Variants in GPHN observed in about 807,000 individuals in gnomAD.
The protein encoded by GPHN is gephyrin.
GPHN carries 17 observed loss-of-function variants against 95.5 expected under a neutral mutation model. That is an observed-to-expected ratio of 0.18 (90% CI 0.12 to 0.27). The LOEUF (loss-of-function observed/expected upper bound fraction) is 0.27, where lower values mean the gene tolerates loss of function less well. Ranked by LOEUF, GPHN falls within the 10% of genes least tolerant of loss-of-function variation. The pLI is 1.00. For synonymous variants in GPHN, 320 were observed against 322.5 expected, an observed-to-expected ratio of 0.99 and a Z score of 0.08; for missense variants, 660 against 978.1, an observed-to-expected ratio of 0.67 and a Z score of 4.34.
the GPHN span, among the ~76,000 whole-genome samples, chr14:67,412,800 T>G: frequency 3.3e-5 from 5 of 152,178 alleles, no homozygotes; most frequent in South Asian, 2.1e-4. Flanking sequence ...GGTCTTTCTC[T>G]GTCACCCAGG....
intron 2 of GPHN, among the ~76,000 whole-genome samples, chr14:66,755,249 T>A (rs1479821158): frequency 6.6e-6 from 1 of 152,136 alleles, no homozygotes; most frequent in Non-Finnish European, 1.5e-5. Context: ...AGGAATTAAA[T>A]GTATTTATTA....
intron 2 of GPHN, among the ~76,000 whole-genome samples, chr14:66,744,413 AAG>A (rs2058060594): frequency 2.0e-5 from 3 of 152,228 alleles, no homozygotes; most frequent in Non-Finnish European, 4.4e-5. Context: ...ACAAGGAATT[AAG>A]TTGTATTGGC....
chr14:67,221,437 C>T, the GPHN span, among the ~76,000 whole-genome samples: 3 of 152,198 alleles, frequency 2.0e-5, no homozygotes, highest in Non-Finnish European at 2.9e-5. Context: ...CAGTTAACTT[C>T]TCTCAGCCTG....
At chr14:67,175,440 T>C (rs1374389243) in intron 21 of GPHN, among the ~76,000 whole-genome samples, 2 of 152,190 alleles carry the variant, frequency 1.3e-5, no homozygotes, top group African/African-American at 2.4e-5. Context: ...GGTCTATATA[T>C]CTGTTTTGGT....
intron 8 of GPHN, among the ~76,000 whole-genome samples, chr14:66,959,610 A>G (rs1162234512): frequency 6.6e-6 from 1 of 152,068 alleles, no homozygotes; most frequent in African/African-American, 2.4e-5. Context: ...TCTGACTGTC[A>G]TGGTTTCTTT....
intron 16 of GPHN, among the ~76,000 whole-genome samples, chr14:67,119,439 G>A (rs1319313479): frequency 2.0e-5 from 3 of 152,180 alleles, no homozygotes; most frequent in African/African-American, 7.2e-5. Context: ...AGATGGATTA[G>A]AATATTCTTA....
intron 4 of GPHN, among the ~76,000 whole-genome samples, chr14:66,845,281 C>G (rs1247942458): frequency 1.3e-5 from 2 of 151,938 alleles, no homozygotes; most frequent in Non-Finnish European, 2.9e-5. Flanking sequence ...AAATTAATAG[C>G]AAAGAGATCA....
intron 17 of GPHN, among the ~76,000 whole-genome samples, chr14:67,138,389 A>T (rs1233126003): frequency 6.6e-6 from 1 of 152,320 alleles, no homozygotes; most frequent in East Asian, 1.9e-4. Flanking sequence ...ATCATTGAGA[A>T]AATTAATATA....
At chr14:66,763,837 C>T (rs72728632) in intron 2 of GPHN, among the ~76,000 whole-genome samples, 8,921 of 152,076 alleles carry the variant, frequency 0.059, 359 homozygotes, top group Middle Eastern at 0.099. Context: ...CTCCCATTAC[C>T]GCCTGAGCTC....
In GPHN at chr14:66,887,679, C is replaced by G. The variant is rs190336250; in HGVS notation, c.389+7646C>G. 2.0e-4 allele frequency among the ~76,000 whole-genome samples: 31 copies of G among 152,198 alleles called. No individual in the cohort carries two copies. In the East Asian group the frequency reaches 4.3e-3, roughly 21 times the overall value. ...GGCCTGTCTACAGCAGTTCCTTTTACCTGGTATATCATGTTTGGCTATGAA... is the reference window on the plus strand; with the variant it reads ...GGCCTGTCTACAGCAGTTCCTTTTAGCTGGTATATCATGTTTGGCTATGAA... On this transcript the variant is annotated intron_variant, in intron 5 of 22. Coordinates refer to ENST00000478722, the MANE Select transcript of GPHN (RefSeq NM_020806.5).
chr14:67,707,320 G>T, the GPHN span, among the ~76,000 whole-genome samples: 2 of 152,180 alleles, frequency 1.3e-5, no homozygotes, highest in Admixed American at 6.5e-5. Flanking sequence ...TACACTTTTT[G>T]AAACAATCTT....
intron 3 of GPHN, among the ~76,000 whole-genome samples, chr14:66,794,449 C>T (rs930992101): frequency 2.0e-5 from 3 of 152,108 alleles, no homozygotes; most frequent in Non-Finnish European, 1.5e-5. Flanking sequence ...CCTGTTTTCT[C>T]TATAAATGAC....
At chr14:66,881,244 A>G (rs1009702120) in intron 5 of GPHN, among the ~76,000 whole-genome samples, 5 of 151,910 alleles carry the variant, frequency 3.3e-5, no homozygotes, top group African/African-American at 1.2e-4. Context: ...TTAAAGTACC[A>G]CGATAGAGAC....
At chr14:66,839,234 G>A (rs1232017013) in intron 4 of GPHN, among the ~76,000 whole-genome samples, 1 of 152,186 alleles carries the variant, frequency 6.6e-6, no homozygotes, top group African/African-American at 2.4e-5. Flanking sequence ...CGAGACCGAA[G>A]GCCAAAGGCA....
the GPHN span, chr14:67,576,584 T>C: frequency 2.8e-6 from 2 of 716,288 alleles, no homozygotes; most frequent in East Asian, 2.6e-5. The surrounding 1 kb of genome is among the most constrained non-coding windows in gnomAD (Gnocchi z 4.0). Flanking sequence ...AAGAAAGCAG[T>C]GTTGTACCCT....
chr14:66,855,219 C>A (rs1252594115), intron 4 of GPHN, among the ~76,000 whole-genome samples: 1 of 152,158 alleles, frequency 6.6e-6, no homozygotes, highest in East Asian at 1.9e-4. Context: ...ATTATCACTA[C>A]TACCTGTTTT....
chr14:66,860,046 G>A (rs768342374), intron 4 of GPHN, among the ~76,000 whole-genome samples: 5 of 152,068 alleles, frequency 3.3e-5, no homozygotes, highest in Non-Finnish European at 5.9e-5. Flanking sequence ...AGAGATAGGA[G>A]TAGAAACTTT....
At chr14:67,450,537 T>G in the GPHN span, among the ~76,000 whole-genome samples, 2 of 152,186 alleles carry the variant, frequency 1.3e-5, no homozygotes, top group Non-Finnish European at 2.9e-5. Flanking sequence ...TTGTTGGGAA[T>G]TGGAACAAAT....
chr14:67,152,370 TATG>T (rs916955091), intron 18 of GPHN, among the ~76,000 whole-genome samples: 5 of 152,234 alleles, frequency 3.3e-5, no homozygotes, highest in African/African-American at 9.6e-5. Flanking sequence ...GCAAATGTTA[TATG>T]ATATTTAAAA....
Sources: allele counts gnomAD v4.1 joint callset (sites outside exome capture counted in the v4.1 genomes callset), GRCh38; gene constraint gnomAD v4.1.1; non-coding constraint Gnocchi (gnomAD v3.1); transcripts MANE v1.5; gene names NCBI Gene and HGNC (gene_info 2026-07-23, HGNC 2026-07-21).